The following CSMD1 variants were observed in gnomAD, a reference collection of about 807,000 sequenced individuals.
CSMD1 encodes CUB and Sushi multiple domains 1.
CSMD1 carries 213 observed loss-of-function variants against 417.5 expected under a neutral mutation model. The observed-to-expected ratio is 0.51, with a 90% CI of 0.46 to 0.57. The LOEUF (loss-of-function observed/expected upper bound fraction) is 0.57, where lower values mean the gene tolerates loss of function less well. Among genes scored for constraint, CSMD1 ranks in the 20% least tolerant of loss-of-function variants. The pLI, the probability that CSMD1 is intolerant of heterozygous loss-of-function variation, is 0.00. For synonymous variants in CSMD1, 2,862 were observed against 1,736.8 expected (o/e 1.65, Z -16.11); for missense variants, 6,923 against 4,529.7 (o/e 1.53, Z -15.17).
intron 3 of CSMD1, among the ~76,000 whole-genome samples, chr8:4,220,976 C>G (rs1445509142): frequency 6.6e-6 from 1 of 152,158 alleles, no homozygotes; most frequent in Admixed American, 6.5e-5. Flanking sequence ...CCCAGAGGAG[C>G]CCTTGGGGTG....
intron 2 of CSMD1, among the ~76,000 whole-genome samples, chr8:4,435,339 G>C (rs1585070003): frequency 1.3e-5 from 2 of 152,136 alleles, no homozygotes; most frequent in South Asian, 2.1e-4. Context: ...GGATTATGGA[G>C]TTTTGAGGCC....
chr8:4,008,414 A>T (rs1215196450), intron 4 of CSMD1, among the ~76,000 whole-genome samples: 2 of 150,874 alleles, frequency 1.3e-5, no homozygotes, highest in Non-Finnish European at 3.0e-5. Context: ...GTATTATATA[A>T]TTTTTTTTTA....
At chr8:3,477,920 G>C (rs745436284) in intron 11 of CSMD1, among the ~76,000 whole-genome samples, 54 of 152,186 alleles carry the variant, frequency 3.5e-4, no homozygotes, top group Non-Finnish European at 6.8e-4. Context: ...GCAGGAATCT[G>C]ATTTATAAAT....
At chr8:4,256,927 C>T (rs577190549) in intron 3 of CSMD1, among the ~76,000 whole-genome samples, 29 of 152,268 alleles carry the variant, frequency 1.9e-4, no homozygotes, top group African/African-American at 6.0e-4. Flanking sequence ...ATTTTCCTTC[C>T]GCTTTCCCTC....
intron 7 of CSMD1, among the ~76,000 whole-genome samples, chr8:3,617,670 A>T (rs1260763706): frequency 1.3e-5 from 2 of 152,182 alleles, no homozygotes; most frequent in Non-Finnish European, 2.9e-5. Flanking sequence ...TAATCCAAGG[A>T]TGGAGACAAC....
rs191328903 is a variant in CSMD1 at position 4,763,863 on chromosome 8, G to A, written c.86-126305C>T. On this transcript the variant is annotated intron_variant, in intron 1 of 69. Transcript: ENST00000635120. ...TTTGAAATATTTTCCTGAACGGAAAGAAAACTAAAATACATGATTAAGCCA... is the reference window on the plus strand; with the variant it reads ...TTTGAAATATTTTCCTGAACGGAAAAAAAACTAAAATACATGATTAAGCCA... Among the ~76,000 whole-genome samples the A allele has an allele frequency of 7.9e-5, 12 of 152,270 alleles. No individual in the cohort carries two copies. The East Asian group carries it at 2.3e-3, about 29-fold the overall frequency.
intron 23 of CSMD1, among the ~76,000 whole-genome samples, chr8:3,337,418 A>C (rs73171188): frequency 0.12 from 18,872 of 152,182 alleles, 1,661 homozygotes; most frequent in African/African-American, 0.24. Context: ...ACTCTCAGCC[A>C]CAAGGTTTAT....
At chr8:3,907,215 A>G (rs1808172759) in intron 5 of CSMD1, among the ~76,000 whole-genome samples, 1 of 152,218 alleles carries the variant, frequency 6.6e-6, no homozygotes, top group South Asian at 2.1e-4. Context: ...CATACAGCAA[A>G]TAAAAATTTC....
chr8:4,448,054 T>A (rs1368929926), intron 2 of CSMD1, among the ~76,000 whole-genome samples: 1 of 152,216 alleles, frequency 6.6e-6, no homozygotes, highest in Non-Finnish European at 1.5e-5. Flanking sequence ...TCCTGGAATA[T>A]CACCCCTAAG....
intron 10 of CSMD1, among the ~76,000 whole-genome samples, chr8:3,562,317 C>A (rs1799502152): frequency 8.2e-6 from 1 of 121,454 alleles, no homozygotes; most frequent in South Asian, 2.5e-4. Flanking sequence ...ACTTGGGAAC[C>A]CTCCTTTCCT....
rs576460738 is a variant in CSMD1, at chr8:4,906,149, G to A, written c.85+88183C>T. ...TTTCTAGATGCTACCTGCACTCTTC[G>A]CTTCAAAGGAAGTTTCCTGTGAGAA... On this transcript the variant is annotated intron_variant, in intron 1 of 69. Transcript: ENST00000635120. Among the ~76,000 whole-genome samples the A allele has an allele frequency of 1.7e-3, 254 of 152,220 alleles. 4 individuals carry two copies. Among genetic ancestry groups the A allele is most frequent in the African/African-American group, 5.7e-3 (238 of 41,552 alleles).
intron 5 of CSMD1, among the ~76,000 whole-genome samples, chr8:3,950,757 A>G (rs1053924593): frequency 9.2e-5 from 14 of 152,128 alleles, no homozygotes; most frequent in African/African-American, 3.4e-4. Context: ...TTTATCTCTT[A>G]CCTCATCGCT....
chr8:3,429,432 A>G (rs1814068339), intron 12 of CSMD1, among the ~76,000 whole-genome samples: 1 of 152,210 alleles, frequency 6.6e-6, no homozygotes, highest in Non-Finnish European at 1.5e-5. Flanking sequence ...ACCCAAGGGA[A>G]ATGGAAGCCA....
chr8:3,934,755 G>C (rs1346857493), intron 5 of CSMD1, among the ~76,000 whole-genome samples: 3 of 152,078 alleles, frequency 2.0e-5, no homozygotes, highest in African/African-American at 4.8e-5. Context: ...GCTGAAGCAG[G>C]AGAATCACTT....
At chr8:3,999,904 G>C (rs960313489) in intron 4 of CSMD1, among the ~76,000 whole-genome samples, 2 of 152,108 alleles carry the variant, frequency 1.3e-5, no homozygotes, top group Non-Finnish European at 2.9e-5. Flanking sequence ...GGACATCTCA[G>C]GAAACTCATT....
intron 7 of CSMD1, among the ~76,000 whole-genome samples, chr8:3,647,167 C>A (rs1350601992): frequency 1.3e-5 from 2 of 152,066 alleles, no homozygotes; most frequent in African/African-American, 2.4e-5. Flanking sequence ...TCCTCCGGTG[C>A]AACTCAAGTT....
chr8:4,663,389 A>C (rs1433801424), intron 1 of CSMD1, among the ~76,000 whole-genome samples: 1 of 152,172 alleles, frequency 6.6e-6, no homozygotes, highest in African/African-American at 2.4e-5. Flanking sequence ...TCTTTGGAAG[A>C]TGCTAAGTGA....
chr8:3,616,926 A>G (rs1802169198), intron 7 of CSMD1, 129 bp from the exon 8 acceptor site: 1 of 575,992 alleles, frequency 1.7e-6, no homozygotes, highest in Non-Finnish European at 3.0e-6. Context: ...AAAGGAATTA[A>G]GACACCTTAA....
Position 4,708,996 on chromosome 8 carries a change from C to A in CSMD1, c.86-71438G>T, listed in dbSNP as rs540775747. 2.1e-3 allele frequency among the ~76,000 whole-genome samples: 323 copies of A among 152,228 alleles called. 1 individual carries two copies. Among genetic ancestry groups the A allele is most frequent in the African/African-American group, 7.5e-3 (313 of 41,552 alleles). ...GATACCTCGATCTTGGGCTTCCAAC[C>A]TCCTGAACCTTGACAAAATAAATGT... is the stretch of plus-strand genomic sequence containing the variant. On this transcript the variant is annotated intron_variant, in intron 1 of 69. Coordinates refer to ENST00000635120, the MANE Select transcript of CSMD1 (RefSeq NM_033225.6).
Sources: gnomAD v4.1 joint callset for allele counts (sites outside exome capture counted in the v4.1 genomes callset) on GRCh38, gnomAD v4.1.1 for gene constraint, MANE v1.5 for transcripts, NCBI Gene and HGNC (gene_info 2026-07-23, HGNC 2026-07-21) for gene names.